KCNH5: variants seen among roughly 807,000 people sequenced by gnomAD.
The protein encoded by KCNH5 is potassium voltage-gated channel subfamily H member 5.
KCNH5 carries 46 observed loss-of-function variants against 96.1 expected under a neutral mutation model. The observed-to-expected ratio is 0.48, with a 90% CI of 0.38 to 0.61. The LOEUF (loss-of-function observed/expected upper bound fraction) is 0.61, where lower values mean the gene tolerates loss of function less well. Ranked by LOEUF, KCNH5 falls within the 20% of genes least tolerant of loss-of-function variation. The pLI, the probability that KCNH5 is intolerant of heterozygous loss-of-function variation, is 0.00. For missense variants in KCNH5, 907 were observed against 1,225.8 expected, an observed-to-expected ratio of 0.74 and a Z score of 3.88; for synonymous variants, 439 against 449.8, an observed-to-expected ratio of 0.98 and a Z score of 0.30.
intron 8 of KCNH5, among the ~76,000 whole-genome samples, chr14:62,822,152 TG>T (rs1485616447): frequency 6.6e-6 from 1 of 152,188 alleles, no homozygotes; most frequent in Admixed American, 6.6e-5. Context: ...AGATATACCA[TG>T]TTAATAAATT....
chr14:62,857,387 T>C (rs1887950368), intron 7 of KCNH5, among the ~76,000 whole-genome samples: 1 of 152,198 alleles, frequency 6.6e-6, no homozygotes, highest in Non-Finnish European at 1.5e-5. Context: ...ATGATAGTTA[T>C]TCTCTTTTAA....
intron 10 of KCNH5, among the ~76,000 whole-genome samples, chr14:62,718,758 A>C (rs1386736120): frequency 6.6e-6 from 1 of 152,232 alleles, no homozygotes; most frequent in East Asian, 1.9e-4. Flanking sequence ...TTGTACATGA[A>C]TGTTCACAGC....
At chr14:62,732,623 C>A (rs1885074305) in intron 10 of KCNH5, among the ~76,000 whole-genome samples, 1 of 152,160 alleles carries the variant, frequency 6.6e-6, no homozygotes, top group Non-Finnish European at 1.5e-5. Flanking sequence ...ACTCCCCACC[C>A]TTCCCTACCT....
chr14:63,040,251 T>C lies in KCNH5; in HGVS notation c.73+4863A>G, dbSNP rs141834838. 4.1e-3 allele frequency among the ~76,000 whole-genome samples: 624 copies of C among 152,254 alleles called. 2 individuals carry two copies. The highest frequency in any genetic ancestry group is 6.6e-3 in the Non-Finnish European group (449 of 67,988). ...GTCAGTTACAAGGTGCCTAGGTAGA[T>C]GGATGTCTTACACATCCTACTTCTG... is the stretch of plus-strand genomic sequence containing the variant. On this transcript the variant is annotated intron_variant, in intron 1 of 10. Transcript: ENST00000322893.
intron 1 of KCNH5, among the ~76,000 whole-genome samples, chr14:63,038,110 G>T (rs1891755860): frequency 6.6e-6 from 1 of 152,146 alleles, no homozygotes; most frequent in African/African-American, 2.4e-5. Context: ...TCTGTTTTCA[G>T]ATATATGCAT....
Position 62,814,782 on chromosome 14 carries a change from C to CAAAAAAAAAAAAAAAAAAAAAAA in KCNH5, c.1570-12224_1570-12202dup, listed in dbSNP as rs71120235. Reference sequence around the variant, plus strand: ...TGGGCGACAAAGCGAGACTCCATCTCAAAAAAAAAAAAAAAAAAAAAAAAA... The same window carrying CAAAAAAAAAAAAAAAAAAAAAAA: ...TGGGCGACAAAGCGAGACTCCATCTCAAAAAAAAAAAAAAAAAAAAAAAAAAAAAAAAAAAAAAAAAAAAAAAA... On this transcript the variant is annotated intron_variant, in intron 8 of 10. Transcript: ENST00000322893. 8.9e-5 allele frequency among the ~76,000 whole-genome samples: 3 copies of CAAAAAAAAAAAAAAAAAAAAAAA among 33,750 alleles called. 1 individual carries two copies. The highest frequency in any genetic ancestry group is 1.4e-4 in the Non-Finnish European group (3 of 21,102). 22.1% of individuals were successfully genotyped at this position (33,750 alleles called of 152,430 possible). A position where few individuals can be genotyped will look rare whatever the true frequency, so the allele number is the denominator to read the frequency against.
chr14:62,755,713 A>C (rs901682878), intron 10 of KCNH5, among the ~76,000 whole-genome samples: 1 of 152,202 alleles, frequency 6.6e-6, no homozygotes, highest in African/African-American at 2.4e-5. Context: ...CTTCAACAAA[A>C]TACTAGCAAG....
At chr14:62,967,204 TAA>T (rs1566725014) in intron 6 of KCNH5, among the ~76,000 whole-genome samples, 1 of 152,148 alleles carries the variant, frequency 6.6e-6, no homozygotes, top group African/African-American at 2.4e-5. Context: ...TATAGTTTAT[TAA>T]AAGTTCCTCA....
chr14:63,006,563 A>G, intron 2 of KCNH5, 91 bp from the exon 3 acceptor site: 2 of 723,556 alleles, frequency 2.8e-6, no homozygotes, highest in South Asian at 3.2e-5. Flanking sequence ...GACTAGTCAA[A>G]TGTGGCTAGA....
chr14:63,017,530 T>C (rs1010535614), intron 1 of KCNH5, among the ~76,000 whole-genome samples: 2 of 151,828 alleles, frequency 1.3e-5, no homozygotes, highest in African/African-American at 4.8e-5. Context: ...ACAGATAATT[T>C]AGAAACTATC....
At chr14:63,011,980 A>G (rs1891237493) in intron 2 of KCNH5, among the ~76,000 whole-genome samples, 1 of 152,212 alleles carries the variant, frequency 6.6e-6, no homozygotes, top group Non-Finnish European at 1.5e-5. Context: ...TCTACCCCTC[A>G]ATCCACCCTA....
chr14:62,715,640 A>G (rs575876424), intron 10 of KCNH5, among the ~76,000 whole-genome samples: 2 of 152,300 alleles, frequency 1.3e-5, no homozygotes, highest in East Asian at 3.9e-4. Context: ...CTGTTTTGAG[A>G]TGTGGCAGCC....
At chr14:62,823,193 A>C (rs1173255345) in intron 8 of KCNH5, among the ~76,000 whole-genome samples, 1 of 152,014 alleles carries the variant, frequency 6.6e-6, no homozygotes, top group Non-Finnish European at 1.5e-5. Flanking sequence ...CAACATGTCC[A>C]CCTGTCCCTT....
intron 5 of KCNH5, among the ~76,000 whole-genome samples, chr14:62,986,069 T>C (rs77351618): frequency 0.012 from 1,812 of 152,320 alleles, 39 homozygotes; most frequent in African/African-American, 0.042. Context: ...CACCCACTTC[T>C]GCTACCACTA....
chr14:62,747,623 C>T (rs891257320), intron 10 of KCNH5, among the ~76,000 whole-genome samples: 1 of 152,188 alleles, frequency 6.6e-6, no homozygotes, highest in African/African-American at 2.4e-5. Context: ...GTTAAATCAA[C>T]TAATGCTAAT....
At chr14:62,865,641 CTG>C (rs2140060945) in intron 7 of KCNH5, among the ~76,000 whole-genome samples, 1 of 152,342 alleles carries the variant, frequency 6.6e-6, no homozygotes, top group Admixed American at 6.5e-5. Flanking sequence ...CATATTCAGT[CTG>C]TACTCTCTTC....
intron 6 of KCNH5, among the ~76,000 whole-genome samples, chr14:62,973,776 T>C (rs943656264): frequency 7.9e-5 from 12 of 152,168 alleles, no homozygotes; most frequent in African/African-American, 2.7e-4. Context: ...ACTGAAGTAT[T>C]ATTTTAAATT....
intron 8 of KCNH5, among the ~76,000 whole-genome samples, chr14:62,835,511 C>A (rs1351653800): frequency 1.3e-5 from 2 of 151,972 alleles, no homozygotes; most frequent in African/African-American, 4.8e-5. Flanking sequence ...TAATGTAATA[C>A]ATAATATTCT....
At chr14:62,739,369 T>C (rs1339721451) in intron 10 of KCNH5, among the ~76,000 whole-genome samples, 1 of 152,200 alleles carries the variant, frequency 6.6e-6, no homozygotes, top group Non-Finnish European at 1.5e-5. Flanking sequence ...GTAGATTTAT[T>C]TGAAGCCTAC....
Sources: gnomAD v4.1 joint callset for allele counts (sites outside exome capture counted in the v4.1 genomes callset) on GRCh38, gnomAD v4.1.1 for gene constraint, MANE v1.5 for transcripts, NCBI Gene and HGNC (gene_info 2026-07-23, HGNC 2026-07-21) for gene names.